GSX2: variants seen among roughly 807,000 people sequenced by gnomAD.
The protein encoded by GSX2 is GS homeobox 2.
In GSX2, 16 loss-of-function variants were observed where a neutral mutation model predicts 19.2. The ratio of observed to expected loss-of-function variants is 0.84; its 90% CI spans 0.57 to 1.27. The LOEUF is 1.27. Among genes scored for constraint, GSX2 ranks in the 50% most tolerant of loss-of-function variants. The pLI is 0.00. For missense variants in GSX2, 448 were observed against 428.4 expected, an observed-to-expected ratio of 1.05 and a Z score of -0.40; for synonymous variants, 217 against 196.4, an observed-to-expected ratio of 1.10 and a Z score of -0.88.
rs1428470706 is a variant in GSX2, at chr4:54,100,597, G to A, written c.253G>A (p.Ala85Thr). Residue 85 changes from alanine to threonine, a missense_variant, in exon 1 of 2, where the codon GCC becomes ACC. By Grantham distance (58) the Ala-to-Thr change is moderately conservative. Coordinates refer to ENST00000326902, the MANE Select transcript of GSX2 (RefSeq NM_133267.3). ...SVGAGSGGAG[A>T]GVTGAGGSGV... Reference sequence around the variant, plus strand: ...GGGCGCCGGCAGCGGGGGCGCAGGGGCCGGGGTTACCGGGGCCGGAGGCAG... The same window carrying A: ...GGGCGCCGGCAGCGGGGGCGCAGGGACCGGGGTTACCGGGGCCGGAGGCAG... The A allele has an allele frequency of 6.4e-7, 1 of 1,565,804 alleles. No homozygotes were observed. The highest frequency in any genetic ancestry group is 1.9e-5 in the Admixed American group (1 of 52,622).
rs192374871 is a variant in GSX2 at position 54,102,139 on chromosome 4, T to A, written c.*217T>A. 170 of 546,960 alleles carry A rather than the reference T, an allele frequency of 3.1e-4. No homozygotes were observed. The highest frequency in any genetic ancestry group is 5.7e-4 in the South Asian group (22 of 38,368). The allele number at this position is 546,960 out of a possible 1,614,324, so 33.9% of individuals were successfully genotyped here. ...TCCAACTTGAAGTTACAGATTTTTTTAAAAAATGTAAATAACCTATAATTC... is the reference window on the plus strand; with the variant it reads ...TCCAACTTGAAGTTACAGATTTTTTAAAAAAATGTAAATAACCTATAATTC... On this transcript the variant is annotated 3_prime_UTR_variant, in exon 2 of 2. Coordinates refer to ENST00000326902, the MANE Select transcript of GSX2 (RefSeq NM_133267.3).
chr4:54,101,829 C>G lies in GSX2; in HGVS notation c.822C>G (p.Cys274Trp). The G allele has an allele frequency of 6.2e-7, 1 of 1,614,200 alleles. No individual in the cohort carries two copies. Among genetic ancestry groups the G allele is most frequent in the South Asian group, 1.1e-5 (1 of 91,088 alleles). Residue 274 changes from cysteine (C) to tryptophan (W), a missense_variant, in exon 2 of 2, where the codon TGC becomes TGG. Physicochemically the swap from Cys to Trp is radical, Grantham distance 215. Coordinates refer to ENST00000326902, the MANE Select transcript of GSX2 (RefSeq NM_133267.3). The surrounding 1 kb of genome is among the most constrained non-coding windows in gnomAD (Gnocchi z 5.0). ...GGAACAGTCACGCGGGCTGCAAGTG[C>G]GTCGGGAGCCAGGTGCACTACGCGC... ...TQRNSHAGCK[C>W]VGSQVHYARS...
At position 54,100,298 on chromosome 4, in the gene GSX2, G is replaced by C. The variant is rs781328528; in HGVS notation, c.-47G>C. On this transcript the variant is annotated 5_prime_UTR_variant, in exon 1 of 2. Transcript: ENST00000326902. ...CAGAGCTTAGAACACTAGAGGAGAG[G>C]GGTCGCCGCGAACTGCCGGGGCTTC... 1 of 1,603,050 alleles carries C rather than the reference G, an allele frequency of 6.2e-7. No individual in the cohort carries two copies. Among genetic ancestry groups the C allele is most frequent in the East Asian group, 2.2e-5 (1 of 44,614 alleles).
In GSX2 at chr4:54,100,703, C is replaced by A; in HGVS notation, c.359C>A (p.Pro120Gln). 3 of 1,549,100 alleles carry A rather than the reference C, an allele frequency of 1.9e-6. No individual in the cohort carries two copies. Among genetic ancestry groups the A allele is most frequent in the Non-Finnish European group, 2.6e-6 (3 of 1,146,306 alleles). ...SSAPGDAQFC[P>Q]RVNHAHHHHH... ...GCTCCTGGGGACGCGCAGTTTTGCC[C>A]GCGGGTGAACCATGCGCATCATCAC... The change falls in exon 1 of 2, where the codon CCG becomes CAG. Residue 120 changes from proline (P) to glutamine (Q), a missense_variant. Transcript: ENST00000326902.
chr4:54,100,823 C>A lies in GSX2; in HGVS notation c.479C>A (p.Ala160Glu). 6.9e-7 allele frequency: 1 copy of A among 1,452,326 alleles called. No individual in the cohort carries two copies. The highest frequency in any genetic ancestry group is 1.4e-5 in the South Asian group (1 of 70,160). The allele number at this position is 1,452,326 out of a possible 1,614,324, so 90.0% of individuals were successfully genotyped here. ...AAAAAAAAAA[A>E]AALGHPQHHA... ...GCAGCAGCAGCGGCGGCGGCGGCCG[C>A]GGCGGCCTTGGGGCACCCGCAGCAC... is the stretch of plus-strand genomic sequence containing the variant. The change falls in exon 1 of 2, where the codon GCG becomes GAG. Residue 160 changes from alanine (A) to glutamate (E), a missense_variant. By Grantham distance (107) the Ala-to-Glu change is moderately radical. Transcript: ENST00000326902.
Position 54,101,027 on chromosome 4 carries a change from G to C in GSX2, c.574+109G>C. The stretch of plus-strand genomic sequence containing the variant: ...AGCCCGGGGACAGGGTGAAGAGAGA[G>C]GACGGGCTTTTAGTGTAACCGTAGA... On this transcript the variant is annotated intron_variant, in intron 1 of 1. Transcript: ENST00000326902. The surrounding 1 kb of genome is among the most constrained non-coding windows in gnomAD (Gnocchi z 5.0). 5 of 957,454 alleles carry C rather than the reference G, an allele frequency of 5.2e-6. No homozygotes were observed. Among genetic ancestry groups the C allele is most frequent in the Non-Finnish European group, 7.4e-6 (5 of 676,900 alleles). The allele number at this position is 957,454 out of a possible 1,614,324, so 59.3% of individuals were successfully genotyped here.
chr4:54,101,662 A>G lies in GSX2; in HGVS notation c.655A>G (p.Arg219Gly), dbSNP rs551672922. The change falls in exon 2 of 2, where the codon AGA becomes GGA. Residue 219 changes from arginine (R) to glycine (G), a missense_variant. By Grantham distance (125) the Arg-to-Gly change is moderately radical. Coordinates refer to ENST00000326902, the MANE Select transcript of GSX2 (RefSeq NM_133267.3). This position sits in a 1 kb window ranked among gnomAD's most constrained non-coding sequence, Gnocchi z 5.0. ...FTSTQLLELE[R>G]EFSSNMYLSR... ...TAGCACGCAACTCCTGGAGCTGGAG[A>G]GAGAATTCTCTTCCAACATGTACCT... 2 of 1,614,100 alleles carry G rather than the reference A, an allele frequency of 1.2e-6. No homozygotes were observed. The highest frequency in any genetic ancestry group is 3.3e-5 in the Admixed American group (2 of 60,010).
chr4:54,101,058 C>A lies in GSX2; in HGVS notation c.574+140C>A. 1.4e-6 allele frequency: 1 copy of A among 725,046 alleles called. No homozygotes were observed. The highest frequency in any genetic ancestry group is 2.1e-5 in the South Asian group (1 of 48,296). The allele number at this position is 725,046 out of a possible 1,614,324, so 44.9% of individuals were successfully genotyped here. On this transcript the variant is annotated intron_variant, in intron 1 of 1. Coordinates refer to ENST00000326902, the MANE Select transcript of GSX2 (RefSeq NM_133267.3). This position sits in a 1 kb window ranked among gnomAD's most constrained non-coding sequence, Gnocchi z 5.0. ...GCTTTTAGTGTAACCGTAGAGTCAG[C>A]CACAGAAGTTCCACGAAAGTGGAAG...
At position 54,100,577 on chromosome 4, in the gene GSX2, C is replaced by G. The variant is rs1387095638; in HGVS notation, c.233C>G (p.Ala78Gly). The G allele has an allele frequency of 6.3e-7, 1 of 1,582,386 alleles. No individual in the cohort carries two copies. Among genetic ancestry groups the G allele is most frequent in the Non-Finnish European group, 8.6e-7 (1 of 1,166,246 alleles). Residue 78 changes from alanine (A) to glycine (G), a missense_variant, in exon 1 of 2, where the codon GCC (alanine) becomes GGC (glycine). Ala to Gly is a moderately conservative substitution (Grantham distance 60). Coordinates refer to ENST00000326902, the MANE Select transcript of GSX2 (RefSeq NM_133267.3). ...HLHSSRGSVG[A>G]GSGGAGAGVT... ...CACTCCTCTCGGGGGTCTGTGGGCG[C>G]CGGCAGCGGGGGCGCAGGGGCCGGG...
In GSX2 at chr4:54,100,666, C is replaced by G; in HGVS notation, c.322C>G (p.Gln108Glu). 1 of 1,548,762 alleles carries G rather than the reference C, an allele frequency of 6.5e-7. No homozygotes were observed. The highest frequency in any genetic ancestry group is 8.7e-7 in the Non-Finnish European group (1 of 1,146,240). The change falls in exon 1 of 2, where the codon CAG becomes GAG. Residue 108 changes from glutamine to glutamate, a missense_variant. Physicochemically the swap from Gln to Glu is conservative, Grantham distance 29. Coordinates refer to ENST00000326902, the MANE Select transcript of GSX2 (RefSeq NM_133267.3). ...AAGALPLLKGQFSSAPGDAQF... is the reference protein window; with the variant it reads ...AAGALPLLKGEFSSAPGDAQF... ...AGGGGCACTGCCTCTGCTTAAGGGC[C>G]AGTTCTCTTCGGCTCCTGGGGACGC...
In GSX2 at chr4:54,100,165, G is replaced by A; in HGVS notation, c.-180G>A. 1.2e-6 allele frequency: 1 copy of A among 828,164 alleles called. No homozygotes were observed. Among genetic ancestry groups the A allele is most frequent in the Non-Finnish European group, 1.8e-6 (1 of 545,706 alleles). The allele number at this position is 828,164 out of a possible 1,614,324, so 51.3% of individuals were successfully genotyped here. ...ATACCCGAGCCGGGGCGCCGGGCGG[G>A]GGACGTGAGGACCAGCCCTCTCCGG... On this transcript the variant is annotated 5_prime_UTR_variant, in exon 1 of 2. Transcript: ENST00000326902.
In GSX2 at chr4:54,100,794, GGCA is replaced by G. The variant is rs1051077797; in HGVS notation, c.462_464del (p.Ala162del). 10 of 1,461,554 alleles carry G rather than the reference GGCA, an allele frequency of 6.8e-6. No individual in the cohort carries two copies. The highest frequency in any genetic ancestry group is 2.8e-5 in the South Asian group (2 of 71,278). 90.5% of individuals were successfully genotyped at this position (1,461,554 alleles called of 1,614,324 possible). ...AGCAGCCTGGCTCGGCCGCGGCGGC[GGCA>G]GCAGCAGCAGCGGCGGCGGCGGCCG... On this transcript the variant is annotated inframe_deletion, in exon 1 of 2. Coordinates refer to ENST00000326902, the MANE Select transcript of GSX2 (RefSeq NM_133267.3).
Position 54,100,298 on chromosome 4 carries a change from G to T in GSX2, c.-47G>T, listed in dbSNP as rs781328528. The T allele has an allele frequency of 8.7e-6, 14 of 1,603,168 alleles. No homozygotes were observed. The Admixed American group carries it at 1.2e-4, about 13-fold the overall frequency. On this transcript the variant is annotated 5_prime_UTR_variant, in exon 1 of 2. Transcript: ENST00000326902. ...CAGAGCTTAGAACACTAGAGGAGAG[G>T]GGTCGCCGCGAACTGCCGGGGCTTC...
rs1306607688 is a variant in GSX2, at chr4:54,100,191, G to C, written c.-154G>C. 1.8e-6 allele frequency: 2 copies of C among 1,121,502 alleles called. No individual in the cohort carries two copies. The highest frequency in any genetic ancestry group is 2.5e-6 in the Non-Finnish European group (2 of 804,732). 69.5% of individuals were successfully genotyped at this position (1,121,502 alleles called of 1,614,324 possible). ...GGACGTGAGGACCAGCCCTCTCCGG[G>C]GACCCCTTTGTTCCCAGCCCAGACG... is the stretch of plus-strand genomic sequence containing the variant. On this transcript the variant is annotated 5_prime_UTR_variant, in exon 1 of 2. Coordinates refer to ENST00000326902, the MANE Select transcript of GSX2 (RefSeq NM_133267.3).
At position 54,101,355 on chromosome 4, in the gene GSX2, C is replaced by A. The variant is rs138655563; in HGVS notation, c.575-227C>A. Among the ~76,000 whole-genome samples the A allele has an allele frequency of 1.6e-3, 240 of 152,338 alleles. 1 individual carries two copies. Among genetic ancestry groups the A allele is most frequent in the Admixed American group, 2.5e-3 (39 of 15,306 alleles). On this transcript the variant is annotated intron_variant, in intron 1 of 1. Transcript: ENST00000326902. This position sits in a 1 kb window ranked among gnomAD's most constrained non-coding sequence, Gnocchi z 5.0. Reference sequence around the variant, plus strand: ...CGATCAGATAGTGCAAGCCCCCATCCCTCTTTAATCCTGTGACTTCGCATC... The same window carrying A: ...CGATCAGATAGTGCAAGCCCCCATCACTCTTTAATCCTGTGACTTCGCATC...
rs1296530172 is a variant in GSX2, at chr4:54,101,403, T to C, written c.575-179T>C. Among the ~76,000 whole-genome samples, 1 of 152,220 alleles carries C rather than the reference T, an allele frequency of 6.6e-6. No homozygotes were observed. Among genetic ancestry groups the C allele is most frequent in the Non-Finnish European group, 1.5e-5 (1 of 68,044 alleles). On this transcript the variant is annotated intron_variant, in intron 1 of 1. Coordinates refer to ENST00000326902, the MANE Select transcript of GSX2 (RefSeq NM_133267.3). The surrounding 1 kb of genome is among the most constrained non-coding windows in gnomAD (Gnocchi z 5.0). The stretch of plus-strand genomic sequence containing the variant: ...ATCCTGCGCATCGAAGACCTTTATT[T>C]GCTTTGCACGTCTCTTTTCTTCCCC...
At position 54,100,936 on chromosome 4, in the gene GSX2, G is replaced by A. The variant is rs1224000170; in HGVS notation, c.574+18G>A. On this transcript the variant is annotated intron_variant, in intron 1 of 1. Transcript: ENST00000326902. Reference sequence around the variant, plus strand: ...CACCATGGGTAGGGCGGGGTCTTGGGGCACCTGCGCTCCGCGCCTTTCGCG... The same window carrying A: ...CACCATGGGTAGGGCGGGGTCTTGGAGCACCTGCGCTCCGCGCCTTTCGCG... 1.3e-6 allele frequency: 2 copies of A among 1,543,220 alleles called. No homozygotes were observed. The highest frequency in any genetic ancestry group is 2.4e-5 in the South Asian group (2 of 84,468).
At position 54,100,369 on chromosome 4, in the gene GSX2, T is replaced by A. The variant is rs1718137043; in HGVS notation, c.25T>A (p.Ser9Thr). The stretch of plus-strand genomic sequence containing the variant: ...CATGTCGCGCTCCTTCTATGTCGAC[T>A]CGCTCATCATCAAGGACACCTCACG... The part of the protein sequence containing the change: MSRSFYVD[S>T]LIIKDTSRPA... Residue 9 changes from serine (S) to threonine (T), a missense_variant, in exon 1 of 2, where the codon TCG becomes ACG. Transcript: ENST00000326902. 1 of 1,613,746 alleles carries A rather than the reference T, an allele frequency of 6.2e-7. No homozygotes were observed. Among genetic ancestry groups the A allele is most frequent in the Admixed American group, 1.7e-5 (1 of 59,994 alleles).
At position 54,102,239 on chromosome 4, in the gene GSX2, A is replaced by G. The variant is rs1289672381; in HGVS notation, c.*317A>G. The stretch of plus-strand genomic sequence containing the variant: ...AACACTGTATGGGGTTTTTGAAAGC[A>G]CATGTCAGTTCCCCATCCCTACTCT... On this transcript the variant is annotated 3_prime_UTR_variant, in exon 2 of 2. Transcript: ENST00000326902. 3 of 256,462 alleles carry G rather than the reference A, an allele frequency of 1.2e-5. No homozygotes were observed. Among genetic ancestry groups the G allele is most frequent in the Non-Finnish European group, 7.4e-6 (1 of 135,226 alleles). 15.9% of individuals were successfully genotyped at this position (256,462 alleles called of 1,614,324 possible). A position where few individuals can be genotyped will look rare whatever the true frequency, so the allele number is the denominator to read the frequency against.
Sources: gnomAD v4.1 joint callset for allele counts (sites outside exome capture counted in the v4.1 genomes callset) on GRCh38, gnomAD v4.1.1 for gene constraint, Gnocchi (gnomAD v3.1) non-coding constraint, MANE v1.5 for transcripts, NCBI Gene and HGNC (gene_info 2026-07-23, HGNC 2026-07-21) for gene names.